WDR64: variants seen among roughly 807,000 people sequenced by gnomAD.
The protein encoded by WDR64 is WD repeat domain 64.
In WDR64, 112 loss-of-function variants were observed where a neutral mutation model predicts 139.3. That is an observed-to-expected ratio of 0.80 (90% CI 0.69 to 0.94). WDR64 has a LOEUF of 0.94. WDR64 is among the 40% of genes least tolerant of loss of function. WDR64 has a pLI of 0.00. For missense variants in WDR64, 1,206 were observed against 1,293.1 expected, an observed-to-expected ratio of 0.93 and a Z score of 1.03; for synonymous variants, 444 against 437.7, an observed-to-expected ratio of 1.01 and a Z score of -0.18.
intron 8 of WDR64, among the ~76,000 whole-genome samples, chr1:241,688,892 C>T (rs933805355): frequency 1.3e-5 from 2 of 152,160 alleles, no homozygotes; most frequent in African/African-American, 4.8e-5. Context: ...GTGAAAAATT[C>T]TCTCTTACTT....
chr1:241,750,752 G>T (rs1032215997), intron 14 of WDR64, among the ~76,000 whole-genome samples: 1 of 152,156 alleles, frequency 6.6e-6, no homozygotes, highest in Non-Finnish European at 1.5e-5. Context: ...AGAACCTGCA[G>T]ATTGATCTTG....
At chr1:241,735,855 CTGTGTGTGTG>C (rs59974714) in intron 10 of WDR64, among the ~76,000 whole-genome samples, 220 of 71,656 alleles carry the variant, frequency 3.1e-3, no homozygotes, top group African/African-American at 9.9e-3. Context: ...CTCTCTCTCT[CTGTGTGTGTG>C]TGTGTGTGTG....
intron 23 of WDR64, among the ~76,000 whole-genome samples, chr1:241,786,659 G>A (rs1447731594): frequency 6.6e-6 from 1 of 152,178 alleles, no homozygotes. Context: ...AAAGCAGCAT[G>A]AGATCCCTCC....
intron 11 of WDR64, among the ~76,000 whole-genome samples, chr1:241,740,718 A>G (rs1358311222): frequency 6.6e-6 from 1 of 151,274 alleles, no homozygotes; most frequent in East Asian, 1.9e-4. Flanking sequence ...CCCAGGCTAG[A>G]GTGCAATGGC....
At chr1:241,701,650 A>G (rs930881597) in intron 8 of WDR64, among the ~76,000 whole-genome samples, 11 of 139,532 alleles carry the variant, frequency 7.9e-5, no homozygotes, top group African/African-American at 3.1e-4. Flanking sequence ...AGTAATGACA[A>G]CCTCAGCAAA....
rs199667067 is a variant in WDR64, at chr1:241,677,370, A to G, written c.484-817A>G. ...TCCCGGGTTAGAAAAGCCTTTTTGAACTCTTCAGATGAAAGACAGTCTGTG... is the reference window on the plus strand; with the variant it reads ...TCCCGGGTTAGAAAAGCCTTTTTGAGCTCTTCAGATGAAAGACAGTCTGTG... On this transcript the variant is annotated intron_variant, in intron 4 of 27. Transcript: ENST00000437684. The G allele has an allele frequency of 2.9e-4, 117 of 398,292 alleles. 1 individual carries two copies. In the East Asian group the frequency reaches 4.0e-3, roughly 14 times the overall value. The allele number at this position is 398,292 out of a possible 1,614,324, so 24.7% of individuals were successfully genotyped here.
chr1:241,726,659 A>G (rs984620423), intron 10 of WDR64, among the ~76,000 whole-genome samples: 1 of 152,168 alleles, frequency 6.6e-6, no homozygotes, highest in Non-Finnish European at 1.5e-5. Flanking sequence ...ATGTAAATGA[A>G]TAGTCATATG....
chr1:241,709,635 T>C (rs369282475), intron 8 of WDR64, among the ~76,000 whole-genome samples: 9 of 152,072 alleles, frequency 5.9e-5, no homozygotes, highest in African/African-American at 2.2e-4. Context: ...GAAAGAAAGT[T>C]AGGCTTTGTG....
intron 14 of WDR64, 22 bp from the exon 15 acceptor site, chr1:241,757,261 A>G (rs565474165): frequency 6.2e-7 from 1 of 1,600,926 alleles, no homozygotes; most frequent in African/African-American, 1.3e-5. Flanking sequence ...CTTTTCATGC[A>G]CTCACTGGAT....
chr1:241,761,164 A>G (rs944741610), intron 15 of WDR64, among the ~76,000 whole-genome samples: 3 of 152,198 alleles, frequency 2.0e-5, no homozygotes, highest in Admixed American at 6.5e-5. Flanking sequence ...TAGATGAGAA[A>G]TCAAAACAAG....
At chr1:241,757,658 T>G (rs1448821594) in intron 15 of WDR64, among the ~76,000 whole-genome samples, 199 bp downstream of exon 15, 1 of 146,168 alleles carries the variant, frequency 6.8e-6, no homozygotes, top group Non-Finnish European at 1.5e-5. Context: ...TGTTTTTTTT[T>G]TTTTTTTTTT....
At chr1:241,665,877 C>G (rs1262377371) in intron 2 of WDR64, among the ~76,000 whole-genome samples, 1 of 152,076 alleles carries the variant, frequency 6.6e-6, no homozygotes, top group Non-Finnish European at 1.5e-5. Flanking sequence ...TAATTATGTT[C>G]CCTCCCAAAA....
Position 241,735,533 on chromosome 1 carries a change from C to CTTTTT in WDR64, c.1195-2815_1195-2811dup, listed in dbSNP as rs58339742. On this transcript the variant is annotated intron_variant, in intron 10 of 27. Coordinates refer to ENST00000437684, the MANE Select transcript of WDR64 (RefSeq NM_001367482.1). Reference sequence around the variant, plus strand: ...GTTCTCTGTCTCTCTCTCTCTCTCTCTTTTTTTTTTTTTTTTTTTGATACG... The same window carrying CTTTTT: ...GTTCTCTGTCTCTCTCTCTCTCTCTCTTTTTTTTTTTTTTTTTTTTTTTTGATACG... Among the ~76,000 whole-genome samples the CTTTTT allele has an allele frequency of 3.7e-3, 378 of 103,472 alleles. 12 individuals carry two copies. The highest frequency in any genetic ancestry group is 0.013 in the African/African-American group (353 of 26,308). 67.9% of individuals were successfully genotyped at this position (103,472 alleles called of 152,430 possible). A position where few individuals can be genotyped will look rare whatever the true frequency, so the allele number is the denominator to read the frequency against.
intron 14 of WDR64, among the ~76,000 whole-genome samples, chr1:241,749,945 G>A (rs1558506407): frequency 6.6e-6 from 1 of 152,112 alleles, no homozygotes; most frequent in African/African-American, 2.4e-5. Context: ...TCAAGCTTCC[G>A]CTGAAGGGTT....
intron 3 of WDR64, 92 bp downstream of exon 3, chr1:241,671,268 A>C (rs1666215942): frequency 1.1e-6 from 1 of 903,938 alleles, no homozygotes; most frequent in Admixed American, 2.6e-5. Context: ...ATCACTTTTC[A>C]TTTTATGTAT....
chr1:241,771,877 CACACACATATACATATATACATACAT>C (rs1658445224), intron 19 of WDR64, among the ~76,000 whole-genome samples, 180 bp downstream of exon 19: 2 of 144,438 alleles, frequency 1.4e-5, no homozygotes, highest in Admixed American at 7.0e-5. Context: ...CACACATACC[CACACACATATACATATATACATACAT>C]ACACACATAT....
intron 3 of WDR64, among the ~76,000 whole-genome samples, chr1:241,674,149 G>C (rs1346001098): frequency 6.6e-6 from 1 of 151,810 alleles, no homozygotes; most frequent in African/African-American, 2.4e-5. Context: ...GTATCTCTGA[G>C]GATCATTAAA....
intron 13 of WDR64, among the ~76,000 whole-genome samples, chr1:241,748,673 C>G (rs1669857998): frequency 6.6e-6 from 1 of 152,090 alleles, no homozygotes; most frequent in Admixed American, 6.5e-5. Context: ...GGCACGGTGG[C>G]TCCTGCCTGT....
chr1:241,718,506 G>A (rs1311776593), intron 9 of WDR64, among the ~76,000 whole-genome samples: 1 of 152,098 alleles, frequency 6.6e-6, no homozygotes, highest in Non-Finnish European at 1.5e-5. Context: ...AGAAGGGGGA[G>A]CATAGATTTA....
Sources: allele counts gnomAD v4.1 joint callset (sites outside exome capture counted in the v4.1 genomes callset), GRCh38; gene constraint gnomAD v4.1.1; transcripts MANE v1.5; gene names NCBI Gene and HGNC (gene_info 2026-07-23, HGNC 2026-07-21).